The following TPCN1 variants were observed in gnomAD, a reference collection of about 807,000 sequenced individuals.
TPCN1 encodes the protein two pore segment channel 1, also known as two pore channel protein 1.
Under a neutral mutation model 108.8 loss-of-function variants are expected in TPCN1, and 52 were observed. The observed-to-expected ratio is 0.48, with a 90% CI of 0.38 to 0.60. The LOEUF (loss-of-function observed/expected upper bound fraction) is 0.60, where lower values mean the gene tolerates loss of function less well. TPCN1 is among the 20% of genes least tolerant of loss of function. The pLI is 0.00. For synonymous variants in TPCN1, 446 were observed against 433.7 expected, an observed-to-expected ratio of 1.03 and a Z score of -0.35; for missense variants, 806 against 1,072.8, an observed-to-expected ratio of 0.75 and a Z score of 3.47.
rs773697542 is a variant in TPCN1 at position 113,277,231 on chromosome 12, CT to C, written c.1060-8del. 6.2e-7 allele frequency: 1 copy of C among 1,612,224 alleles called. No individual in the cohort carries two copies. The highest frequency in any genetic ancestry group is 8.5e-7 in the Non-Finnish European group (1 of 1,179,138). On this transcript the variant is annotated splice_polypyrimidine_tract_variant and splice_region_variant and intron_variant, in intron 11 of 27. Coordinates refer to ENST00000335509, the MANE Select transcript of TPCN1 (RefSeq NM_017901.6). The stretch of plus-strand genomic sequence containing the variant: ...CCTGGGTTCCACACTGCTCTTCCCT[CT>C]CCCCCAGAGGCCTGCCGGCATCTCC...
At chr12:113,271,277 A>G (rs995236349) in intron 7 of TPCN1, among the ~76,000 whole-genome samples, 3 of 152,156 alleles carry the variant, frequency 2.0e-5, no homozygotes, top group Admixed American at 6.5e-5. Flanking sequence ...ACTCTGTCTC[A>G]AAAATAAATA....
chr12:113,268,596 G>A lies in TPCN1; in HGVS notation c.529-146G>A. The A allele has an allele frequency of 1.0e-6, 1 of 968,074 alleles. No individual in the cohort carries two copies. Among genetic ancestry groups the A allele is most frequent in the Non-Finnish European group, 1.5e-6 (1 of 670,874 alleles). The allele number at this position is 968,074 out of a possible 1,614,324, so 60.0% of individuals were successfully genotyped here. ...TTTTTTTCTTCTGGGGCTGCCTGATGTTGGCAGGAAGTGTGAGAGGGCTGG... is the reference window on the plus strand; with the variant it reads ...TTTTTTTCTTCTGGGGCTGCCTGATATTGGCAGGAAGTGTGAGAGGGCTGG... On this transcript the variant is annotated intron_variant, in intron 5 of 27. Coordinates refer to ENST00000335509, the MANE Select transcript of TPCN1 (RefSeq NM_017901.6). The surrounding 1 kb of genome is among the most constrained non-coding windows in gnomAD (Gnocchi z 7.3).
At chr12:113,233,143 T>TG (rs1039826406) in intron 2 of TPCN1, among the ~76,000 whole-genome samples, 11 of 152,242 alleles carry the variant, frequency 7.2e-5, no homozygotes, top group African/African-American at 7.2e-5. Flanking sequence ...CACATCTTCA[T>TG]GGGGGGGATC....
Position 113,273,771 on chromosome 12 carries a change from G to A in TPCN1, c.942+103G>A. ...AGTGGGGACTGTCTTCTGCCTCTCA[G>A]GGCAGAACGTTGGGGCAGGAAGTCC... On this transcript the variant is annotated intron_variant, in intron 10 of 27. Coordinates refer to ENST00000335509, the MANE Select transcript of TPCN1 (RefSeq NM_017901.6). The surrounding 1 kb of genome is among the most constrained non-coding windows in gnomAD (Gnocchi z 4.0). 3.1e-6 allele frequency: 3 copies of A among 963,320 alleles called. No homozygotes were observed. The South Asian group carries it at 3.8e-5, about 12-fold the overall frequency. 59.7% of individuals were successfully genotyped at this position (963,320 alleles called of 1,614,324 possible).
intron 14 of TPCN1, among the ~76,000 whole-genome samples, chr12:113,279,295 A>G (rs1044921912): frequency 7.4e-6 from 1 of 134,404 alleles, no homozygotes; most frequent in Non-Finnish European, 1.5e-5. Context: ...AATAACACAT[A>G]TGTGTGTGTG....
chr12:113,293,914 T>C (rs961600361), intron 27 of TPCN1, among the ~76,000 whole-genome samples: 1 of 152,194 alleles, frequency 6.6e-6, no homozygotes, highest in Non-Finnish European at 1.5e-5. Context: ...CTAGGCTCAC[T>C]GCAACCTCCG....
intron 3 of TPCN1, among the ~76,000 whole-genome samples, chr12:113,263,435 A>G (rs1449064537): frequency 6.6e-6 from 1 of 152,138 alleles, no homozygotes; most frequent in Non-Finnish European, 1.5e-5. Context: ...TAATTTTTGT[A>G]TTTTTAGTAG....
chr12:113,293,313 C>T lies in TPCN1; in HGVS notation c.2298C>T (p.Ser766=), dbSNP rs759494751. The change falls in exon 27 of 28, where the codon AGC becomes AGT. Residue 766 remains serine, a synonymous_variant. Coordinates refer to ENST00000335509, the MANE Select transcript of TPCN1 (RefSeq NM_017901.6). ...TGGGACGGCGATCAAGGACCAAGAGCGACCTGAGCCTGAAGATGTACCAGG... is the reference window on the plus strand; with the variant it reads ...TGGGACGGCGATCAAGGACCAAGAGTGACCTGAGCCTGAAGATGTACCAGG... The part of the protein sequence containing the change: ...VFLGRRSRTK[S]DLSLKMYQEE... The T allele has an allele frequency of 2.4e-5, 39 of 1,613,956 alleles. No homozygotes were observed. Among genetic ancestry groups the T allele is most frequent in the Non-Finnish European group, 2.6e-5 (31 of 1,180,032 alleles).
rs1484491691 is a variant in TPCN1 at position 113,292,943 on chromosome 12, G to A, written c.2123G>A (p.Gly708Asp). 1 of 1,612,198 alleles carries A rather than the reference G, an allele frequency of 6.2e-7. No homozygotes were observed. Among genetic ancestry groups the A allele is most frequent in the Non-Finnish European group, 8.5e-7 (1 of 1,179,704 alleles). ...RKNQDSEVDG[G>D]ITLEKEISKE... The stretch of plus-strand genomic sequence containing the variant: ...CCTTCCATCCCTGCAGTTGATGGTG[G>A]CATCACCCTTGAGAAGGAAATCTCC... The change falls in exon 26 of 28, where the codon GGC becomes GAC. Residue 708 changes from glycine to aspartate, a missense_variant. Gly to Asp is a moderately conservative substitution (Grantham distance 94). Transcript: ENST00000335509.
In TPCN1 at chr12:113,263,816, C is replaced by T. The variant is rs182694154; in HGVS notation, c.238-2364C>T. On this transcript the variant is annotated intron_variant, in intron 3 of 27. Transcript: ENST00000335509. The stretch of plus-strand genomic sequence containing the variant: ...GAGCGGAGAGCAAAGGCCTAGAAAT[C>T]GCTACAACTGGCCTTCCTTATTTTT... 5.4e-3 allele frequency among the ~76,000 whole-genome samples: 825 copies of T among 152,318 alleles called. 7 individuals carry two copies. The highest frequency in any genetic ancestry group is 0.018 in the African/African-American group (764 of 41,566).
intron 1 of TPCN1, among the ~76,000 whole-genome samples, 179 bp downstream of exon 1, chr12:113,221,805 C>T (rs1953236657): frequency 6.6e-6 from 1 of 152,178 alleles, no homozygotes. Flanking sequence ...CGGGCCGGGG[C>T]TTTGCACCCT....
At position 113,221,486 on chromosome 12, in the gene TPCN1, G is replaced by A. The variant is rs573753540; in HGVS notation, c.-266G>A. The A allele has an allele frequency of 3.2e-6, 1 of 308,148 alleles. No individual in the cohort carries two copies. Among genetic ancestry groups the A allele is most frequent in the Admixed American group, 4.0e-5 (1 of 25,152 alleles). The allele number at this position is 308,148 out of a possible 1,614,324, so 19.1% of individuals were successfully genotyped here. A position where few individuals can be genotyped will look rare whatever the true frequency, so the allele number is the denominator to read the frequency against. On this transcript the variant is annotated 5_prime_UTR_variant, in exon 1 of 28. Coordinates refer to ENST00000335509, the MANE Select transcript of TPCN1 (RefSeq NM_017901.6). ...GGAGAGCTGGCGCAGCTGCCCTGGT[G>A]GCAGTGGCTGAAGTGGCGGCGGCTT... is the stretch of plus-strand genomic sequence containing the variant.
In TPCN1 at chr12:113,226,826, A is replaced by G. The variant is rs1260984625; in HGVS notation, c.-27A>G. On this transcript the variant is annotated 5_prime_UTR_variant, in exon 2 of 28. In the 5' UTR this introduces an upstream ATG that the reference lacks. Coordinates refer to ENST00000335509, the MANE Select transcript of TPCN1 (RefSeq NM_017901.6). ...GACTATTTCAAGCCCTGGATATCAT[A>G]TCCTGAGGGCCACAGGAGAAGAGAA... is the stretch of plus-strand genomic sequence containing the variant. 4.3e-6 allele frequency: 7 copies of G among 1,614,134 alleles called. No individual in the cohort carries two copies. Among genetic ancestry groups the G allele is most frequent in the Non-Finnish European group, 5.9e-6 (7 of 1,180,026 alleles).
chr12:113,270,502 A>G (rs1306741228), intron 7 of TPCN1, among the ~76,000 whole-genome samples: 3 of 147,586 alleles, frequency 2.0e-5, no homozygotes, highest in East Asian at 2.0e-4. Flanking sequence ...TTTTTTTGAG[A>G]CGGAGTCTCA....
At chr12:113,265,889 G>A (rs560031345) in intron 3 of TPCN1, among the ~76,000 whole-genome samples, 54 of 152,194 alleles carry the variant, frequency 3.5e-4, no homozygotes, top group Admixed American at 7.9e-4. Flanking sequence ...CTTGGCCTCC[G>A]GAGTAGCTGG....
At chr12:113,246,919 G>A (rs1231724624) in intron 2 of TPCN1, among the ~76,000 whole-genome samples, 1 of 152,204 alleles carries the variant, frequency 6.6e-6, no homozygotes, top group East Asian at 1.9e-4. Flanking sequence ...TCACTTTGTT[G>A]GCTAGGATGC....
At chr12:113,242,188 A>G (rs952405584) in intron 2 of TPCN1, among the ~76,000 whole-genome samples, 1 of 152,226 alleles carries the variant, frequency 6.6e-6, no homozygotes, top group Non-Finnish European at 1.5e-5. Flanking sequence ...CTGTGCTGGG[A>G]AAAGGAACTT....
chr12:113,274,373 A>G (rs1955604611), intron 10 of TPCN1, among the ~76,000 whole-genome samples: 1 of 151,992 alleles, frequency 6.6e-6, no homozygotes, highest in South Asian at 2.1e-4. Flanking sequence ...GCTTGAACCC[A>G]GGAGGTGGAG....
intron 2 of TPCN1, chr12:113,244,225 T>A (rs16942667): frequency 2.5e-6 from 2 of 785,204 alleles, no homozygotes; most frequent in South Asian, 1.2e-4. Flanking sequence ...GAACAGGGCT[T>A]GACCCGTGGT....
Sources: gnomAD v4.1 joint callset for allele counts (sites outside exome capture counted in the v4.1 genomes callset) on GRCh38, gnomAD v4.1.1 for gene constraint, Gnocchi (gnomAD v3.1) non-coding constraint, MANE v1.5 for transcripts, NCBI Gene and HGNC (gene_info 2026-07-23, HGNC 2026-07-21) for gene names.